ISOC1: variants seen among roughly 807,000 people sequenced by gnomAD.
ISOC1 encodes the protein isochorismatase domain containing 1.
A neutral mutation model predicts 30.0 loss-of-function variants in ISOC1; 33 were observed. The ratio of observed to expected loss-of-function variants is 1.10; its 90% CI spans 0.83 to 1.47. The LOEUF (loss-of-function observed/expected upper bound fraction) is 1.47. Ranked by LOEUF, ISOC1 falls within the 40% of genes most tolerant of loss-of-function variation. The probability of loss-of-function intolerance (pLI) is 0.00; values close to 1 mark genes in which losing one functional copy is unlikely to be tolerated. For missense variants in ISOC1, 372 were observed against 388.0 expected (o/e 0.96, Z 0.35); for synonymous variants, 178 against 159.8 (o/e 1.11, Z -0.86).
Position 129,112,904 on chromosome 5 carries a change from T to C in ISOC1, c.800T>C (p.Leu267Pro), listed in dbSNP as rs1753728647. The stretch of plus-strand genomic sequence containing the variant: ...GTGACCACGAGTGAGGCTGTTCTGC[T>C]TCAGCTGGTAGCTGATAAGGACCAT... ...IIVTTSEAVL[L>P]QLVADKDHPK... Residue 267 changes from leucine to proline, a missense_variant, in exon 5 of 5, where the codon CTT becomes CCT. Transcript: ENST00000173527. 1 of 1,613,692 alleles carries C rather than the reference T, an allele frequency of 6.2e-7. No individual in the cohort carries two copies. The highest frequency in any genetic ancestry group is 1.3e-5 in the African/African-American group (1 of 74,894).
At chr5:129,107,253 G>C (rs577451744) in intron 4 of ISOC1, among the ~76,000 whole-genome samples, 191 bp downstream of exon 4, 6 of 152,158 alleles carry the variant, frequency 3.9e-5, no homozygotes, top group Admixed American at 2.0e-4. Context: ...TTTATGTCTC[G>C]TTTCCTCCTT....
In ISOC1 at chr5:129,113,206, G is replaced by C. The variant is rs1753733631; in HGVS notation, c.*205G>C. Reference sequence around the variant, plus strand: ...ACAAACGTCAAAGGCTTCCGGTGCTGCTTACCTTCCTTTTTTGTTAATGTG... The same window carrying C: ...ACAAACGTCAAAGGCTTCCGGTGCTCCTTACCTTCCTTTTTTGTTAATGTG... On this transcript the variant is annotated 3_prime_UTR_variant, in exon 5 of 5. Transcript: ENST00000173527. 2 of 431,678 alleles carry C rather than the reference G, an allele frequency of 4.6e-6. No homozygotes were observed. Among genetic ancestry groups the C allele is most frequent in the African/African-American group, 2.0e-5 (1 of 49,266 alleles). The allele number at this position is 431,678 out of a possible 1,614,324, so 26.7% of individuals were successfully genotyped here.
At chr5:129,097,514 G>A (rs1434084676) in intron 1 of ISOC1, among the ~76,000 whole-genome samples, 1 of 152,190 alleles carries the variant, frequency 6.6e-6, no homozygotes, top group Non-Finnish European at 1.5e-5. Context: ...TTTTATGGCT[G>A]TAAGAGACCA....
intron 1 of ISOC1, among the ~76,000 whole-genome samples, chr5:129,103,138 G>A (rs982750538): frequency 2.6e-5 from 4 of 152,142 alleles, no homozygotes; most frequent in Non-Finnish European, 5.9e-5. Context: ...CATTGTGGAT[G>A]CCTACGAGTC....
In ISOC1 at chr5:129,102,662, A is replaced by G. The variant is rs774109829; in HGVS notation, c.310-2294A>G. On this transcript the variant is annotated intron_variant, in intron 1 of 4. Coordinates refer to ENST00000173527, the MANE Select transcript of ISOC1 (RefSeq NM_016048.2). The stretch of plus-strand genomic sequence containing the variant: ...TGCTGGAATGATGTTTTCCTAATTT[A>G]TAAGTTAGAACAGCTTTTTACTCTT... 8.9e-4 allele frequency among the ~76,000 whole-genome samples: 136 copies of G among 152,222 alleles called. 2 individuals carry two copies. Among genetic ancestry groups the G allele is most frequent in the Admixed American group, 1.6e-3 (24 of 15,280 alleles).
intron 1 of ISOC1, among the ~76,000 whole-genome samples, chr5:129,096,303 T>C (rs1753500566): frequency 6.6e-6 from 1 of 152,244 alleles, no homozygotes; most frequent in Non-Finnish European, 1.5e-5. Context: ...ATTCCTATTA[T>C]CTGTGTTTTT....
chr5:129,113,944 A>T lies in ISOC1; in HGVS notation c.*943A>T, dbSNP rs1034782312. 1 of 152,158 alleles carries T rather than the reference A, an allele frequency of 6.6e-6. No homozygotes were observed. The highest frequency in any genetic ancestry group is 2.4e-5 in the African/African-American group (1 of 41,434). 9.4% of individuals were successfully genotyped at this position (152,158 alleles called of 1,614,324 possible). A position where few individuals can be genotyped will look rare whatever the true frequency, so the allele number is the denominator to read the frequency against. On this transcript the variant is annotated 3_prime_UTR_variant, in exon 5 of 5. Coordinates refer to ENST00000173527, the MANE Select transcript of ISOC1 (RefSeq NM_016048.2). The stretch of plus-strand genomic sequence containing the variant: ...CTCTTCGATAAATTTATTTTCATTA[A>T]ATACTTGTTAGAGGGTTTTGAAATG...
At chr5:129,095,587 A>G (rs963208789) in intron 1 of ISOC1, among the ~76,000 whole-genome samples, 2 of 152,210 alleles carry the variant, frequency 1.3e-5, no homozygotes, top group East Asian at 3.9e-4. Flanking sequence ...CCAGGCTCTC[A>G]GGTCCTTGGG....
intron 1 of ISOC1, among the ~76,000 whole-genome samples, chr5:129,098,854 C>G (rs1490991731): frequency 6.6e-6 from 1 of 152,076 alleles, no homozygotes; most frequent in Non-Finnish European, 1.5e-5. Context: ...CATTTTATAG[C>G]TAGAAGAGAC....
chr5:129,094,790 C>T lies in ISOC1; in HGVS notation c.24C>T (p.Val8=), dbSNP rs1474171475. ...ACATGGCGGCTGCGGAGCCGGCGGT[C>T]CTTGCGCTCCCCAACAGCGGCGCCG... MAAAEPA[V]LALPNSGAGG... is the part of the protein sequence containing the mutation. Residue 8 remains valine, a synonymous_variant, in exon 1 of 5, where the codon GTC becomes GTT. Transcript: ENST00000173527. 5 of 1,521,344 alleles carry T rather than the reference C, an allele frequency of 3.3e-6. No individual in the cohort carries two copies. Among genetic ancestry groups the T allele is most frequent in the Non-Finnish European group, 4.4e-6 (5 of 1,139,988 alleles). The allele number at this position is 1,521,344 out of a possible 1,614,324, so 94.2% of individuals were successfully genotyped here. A position where few individuals can be genotyped will look rare whatever the true frequency, so the allele number is the denominator to read the frequency against.
Position 129,095,076 on chromosome 5 carries a change from G to T in ISOC1, c.309+1G>T. ...GCGCCTCGTGCCGTTGCAGATCCAGGTGGGTCCTGCGGGAGGCCGCGCGCT... is the reference window on the plus strand; with the variant it reads ...GCGCCTCGTGCCGTTGCAGATCCAGTTGGGTCCTGCGGGAGGCCGCGCGCT... On this transcript the variant is annotated splice_donor_variant, in intron 1 of 4. Coordinates refer to ENST00000173527, the MANE Select transcript of ISOC1 (RefSeq NM_016048.2). LOFTEE classifies it high-confidence loss of function. 3 of 1,562,166 alleles carry T rather than the reference G, an allele frequency of 1.9e-6. No homozygotes were observed. The highest frequency in any genetic ancestry group is 1.4e-5 in the African/African-American group (1 of 73,314).
intron 4 of ISOC1, 25 bp downstream of exon 4, chr5:129,107,087 T>A (rs1418162846): frequency 6.5e-7 from 1 of 1,549,066 alleles, no homozygotes; most frequent in Non-Finnish European, 8.9e-7. Context: ...TGGGAATAGA[T>A]CATTTGTCAA....
At chr5:129,109,886 C>T (rs1489604097) in intron 4 of ISOC1, among the ~76,000 whole-genome samples, 1 of 152,102 alleles carries the variant, frequency 6.6e-6, no homozygotes, top group South Asian at 2.1e-4. Context: ...AGCTATATTG[C>T]CTGTTAAGAT....
At chr5:129,109,477 A>T (rs1332383159) in intron 4 of ISOC1, among the ~76,000 whole-genome samples, 1 of 152,170 alleles carries the variant, frequency 6.6e-6, no homozygotes, top group Non-Finnish European at 1.5e-5. Flanking sequence ...GTGGTTAGTC[A>T]CCAGAAATGT....
chr5:129,107,734 A>G (rs986744275), intron 4 of ISOC1, among the ~76,000 whole-genome samples: 4 of 152,206 alleles, frequency 2.6e-5, no homozygotes, highest in African/African-American at 9.6e-5. Flanking sequence ...TCCAGGAACC[A>G]GAGATGACTA....
chr5:129,105,440 A>G (rs766500834), intron 3 of ISOC1, 52 bp downstream of exon 3: 30 of 1,458,284 alleles, frequency 2.1e-5, no homozygotes, highest in African/African-American at 5.7e-5. Context: ...AGAAAACTCA[A>G]TATTTGTGGA....
In ISOC1 at chr5:129,109,056, C is replaced by T. The variant is rs1201657925; in HGVS notation, c.750+1994C>T. Among the ~76,000 whole-genome samples the T allele has an allele frequency of 3.3e-5, 5 of 152,156 alleles. 1 individual carries two copies. Among genetic ancestry groups the T allele is most frequent in the African/African-American group, 4.8e-5 (2 of 41,426 alleles). ...ACTTTTTTCAAGGACTTTTCTCCTACATTCATATTTTCTTAGATATGTCTT... is the reference window on the plus strand; with the variant it reads ...ACTTTTTTCAAGGACTTTTCTCCTATATTCATATTTTCTTAGATATGTCTT... On this transcript the variant is annotated intron_variant, in intron 4 of 4. Coordinates refer to ENST00000173527, the MANE Select transcript of ISOC1 (RefSeq NM_016048.2).
chr5:129,101,192 A>AAAAATATATATATAT (rs1554064627), intron 1 of ISOC1, among the ~76,000 whole-genome samples: 3 of 42,228 alleles, frequency 7.1e-5, no homozygotes, highest in East Asian at 1.7e-3. Context: ...AAAAAAAAAA[A>AAAAATATATATATAT]ATATATATAT....
intron 4 of ISOC1, 126 bp from the exon 5 acceptor site, chr5:129,112,729 G>C: frequency 1.0e-6 from 1 of 966,400 alleles, no homozygotes. Context: ...GAACTTGATG[G>C]TATGGCTGGG....
Sources: gnomAD v4.1 joint callset for allele counts (sites outside exome capture counted in the v4.1 genomes callset) on GRCh38, gnomAD v4.1.1 for gene constraint, MANE v1.5 for transcripts, NCBI Gene and HGNC (gene_info 2026-07-23, HGNC 2026-07-21) for gene names.